The following DCC variants were observed in gnomAD, a reference collection of about 807,000 sequenced individuals.
DCC encodes DCC netrin 1 receptor.
A neutral mutation model predicts 172.5 loss-of-function variants in DCC; 58 were observed. The ratio of observed to expected loss-of-function variants is 0.34; its 90% CI spans 0.27 to 0.42. The LOEUF is 0.42. Ranked by LOEUF, DCC falls within the 10% of genes least tolerant of loss-of-function variation. The pLI, the probability that DCC is intolerant of heterozygous loss-of-function variation, is 1.00. For missense variants in DCC, 1,740 were observed against 1,791.0 expected (o/e 0.97, Z 0.51); for synonymous variants, 709 against 644.5 (o/e 1.10, Z -1.52).
At chr18:52,576,171 C>A (rs2033406377) in intron 1 of DCC, among the ~76,000 whole-genome samples, 1 of 152,162 alleles carries the variant, frequency 6.6e-6, no homozygotes, top group South Asian at 2.1e-4. Flanking sequence ...AAAAAGAAAT[C>A]AAGTTTCCTT....
chr18:53,041,802 A>T (rs1363970863), intron 5 of DCC, among the ~76,000 whole-genome samples: 1 of 151,698 alleles, frequency 6.6e-6, no homozygotes, highest in African/African-American at 2.4e-5. Context: ...TTTGTTCATG[A>T]TTTGGCTGTC....
chr18:52,785,372 A>C (rs2037636441), intron 2 of DCC, among the ~76,000 whole-genome samples: 1 of 152,036 alleles, frequency 6.6e-6, no homozygotes, highest in African/African-American at 2.4e-5. Context: ...GCTTTTCATT[A>C]AAGAGAAAAG....
At chr18:53,446,102 A>AG (rs1912586337) in intron 22 of DCC, among the ~76,000 whole-genome samples, 1 of 139,436 alleles carries the variant, frequency 7.2e-6, no homozygotes, top group African/African-American at 2.7e-5. Flanking sequence ...TCTCTACAAA[A>AG]AAAAAAAAAA....
At chr18:52,969,027 C>T (rs1362336424) in intron 5 of DCC, among the ~76,000 whole-genome samples, 2 of 151,714 alleles carry the variant, frequency 1.3e-5, no homozygotes, top group African/African-American at 4.9e-5. Context: ...CAAAAAAAAA[C>T]GGTTCTCCTG....
chr18:52,449,465 T>C (rs937510743), intron 1 of DCC, among the ~76,000 whole-genome samples: 1 of 152,232 alleles, frequency 6.6e-6, no homozygotes, highest in African/African-American at 2.4e-5. Context: ...CTTAATGATT[T>C]AGTGTAGGCA....
At chr18:53,093,365 A>T (rs532955665) in intron 7 of DCC, among the ~76,000 whole-genome samples, 32 of 152,318 alleles carry the variant, frequency 2.1e-4, no homozygotes, top group African/African-American at 7.5e-4. Flanking sequence ...ACACGTTACT[A>T]TTGCATAGCA....
At chr18:53,446,479 C>T (rs992853313) in intron 22 of DCC, among the ~76,000 whole-genome samples, 23 of 152,176 alleles carry the variant, frequency 1.5e-4, no homozygotes, top group Admixed American at 2.6e-4. Context: ...ATGTCACTTG[C>T]CCCTTCTGGA....
intron 5 of DCC, among the ~76,000 whole-genome samples, chr18:52,948,059 TAAATA>T (rs1387729004): frequency 4.6e-5 from 7 of 152,302 alleles, no homozygotes; most frequent in East Asian, 3.9e-4. Context: ...GCGTTCTAGC[TAAATA>T]AAATAATAGC....
At chr18:53,115,332 G>A (rs1426872376) in intron 7 of DCC, among the ~76,000 whole-genome samples, 1 of 151,572 alleles carries the variant, frequency 6.6e-6, no homozygotes, top group Admixed American at 6.6e-5. Flanking sequence ...TATTTTCATG[G>A]AGACTTGAGT....
intron 5 of DCC, among the ~76,000 whole-genome samples, chr18:52,991,589 AC>A (rs1194362276): frequency 6.6e-6 from 1 of 151,992 alleles, no homozygotes; most frequent in African/African-American, 2.4e-5. Flanking sequence ...ACATGATTTC[AC>A]CCATTCCCTC....
At position 52,429,445 on chromosome 18, in the gene DCC, T is replaced by C. The variant is rs191996997; in HGVS notation, c.91+88567T>C. ...ATGCTAAAGCACTCTTTACGTTTGA[T>C]GTTAGAGTGATAAGAGCATATTAAT... On this transcript the variant is annotated intron_variant, in intron 1 of 28. Coordinates refer to ENST00000442544, the MANE Select transcript of DCC (RefSeq NM_005215.4). Among the ~76,000 whole-genome samples, 133 of 152,294 alleles carry C rather than the reference T, an allele frequency of 8.7e-4. 1 individual carries two copies. The highest frequency in any genetic ancestry group is 1.4e-3 in the South Asian group (7 of 4,832).
chr18:53,194,186 A>G (rs1178004133), intron 9 of DCC, among the ~76,000 whole-genome samples: 2 of 152,192 alleles, frequency 1.3e-5, no homozygotes, highest in Non-Finnish European at 2.9e-5. Context: ...CAATCTTGAG[A>G]TATATACAGG....
chr18:52,493,520 T>C (rs1285044049), intron 1 of DCC, among the ~76,000 whole-genome samples: 1 of 152,124 alleles, frequency 6.6e-6, no homozygotes, highest in Non-Finnish European at 1.5e-5. Context: ...ATTTGCATGG[T>C]GAATCATTTT....
At chr18:52,394,823 G>A (rs950377818) in intron 1 of DCC, among the ~76,000 whole-genome samples, 8 of 152,182 alleles carry the variant, frequency 5.3e-5, no homozygotes, top group African/African-American at 1.7e-4. Flanking sequence ...GTTTGGGCTT[G>A]AGCCAATGGC....
chr18:52,743,773 G>A (rs1247761471), intron 1 of DCC, among the ~76,000 whole-genome samples: 7 of 152,196 alleles, frequency 4.6e-5, no homozygotes, highest in African/African-American at 1.7e-4. Flanking sequence ...TGGGACAGTT[G>A]CTTTGTGAAC....
intron 2 of DCC, among the ~76,000 whole-genome samples, chr18:52,767,174 A>T (rs2037267610): frequency 6.6e-6 from 1 of 151,952 alleles, no homozygotes. Context: ...TGTAGGATCA[A>T]TACTTCTGCC....
chr18:52,604,225 T>G (rs1163775385), intron 1 of DCC, among the ~76,000 whole-genome samples: 3 of 152,138 alleles, frequency 2.0e-5, no homozygotes, highest in Non-Finnish European at 4.4e-5. Context: ...ATTTCATCAA[T>G]CTGACCAAAT....
At position 53,232,570 on chromosome 18, in the gene DCC, T is replaced by C. The variant is rs373489265; in HGVS notation, c.1911+16973T>C. Among the ~76,000 whole-genome samples, 12 of 152,308 alleles carry C rather than the reference T, an allele frequency of 7.9e-5. No homozygotes were observed. In the East Asian group the frequency reaches 1.2e-3, roughly 15 times the overall value. Reference sequence around the variant, plus strand: ...CATGTATCTTTGTTACATTTTATCTTACATTAACCCCACTGCTACAACCTC... The same window carrying C: ...CATGTATCTTTGTTACATTTTATCTCACATTAACCCCACTGCTACAACCTC... On this transcript the variant is annotated intron_variant, in intron 12 of 28. Coordinates refer to ENST00000442544, the MANE Select transcript of DCC (RefSeq NM_005215.4).
intron 2 of DCC, among the ~76,000 whole-genome samples, chr18:52,815,573 T>C (rs1484336192): frequency 6.6e-6 from 1 of 152,158 alleles, no homozygotes; most frequent in African/African-American, 2.4e-5. Context: ...CAACTTGGAC[T>C]TCCAGAGCTG....
Sources: allele counts gnomAD v4.1 joint callset (sites outside exome capture counted in the v4.1 genomes callset), GRCh38; gene constraint gnomAD v4.1.1; transcripts MANE v1.5; gene names NCBI Gene and HGNC (gene_info 2026-07-23, HGNC 2026-07-21).